Variants in PEBP4 observed in about 807,000 individuals in gnomAD.
PEBP4 encodes the protein phosphatidylethanolamine binding protein 4, also known as phosphatidylethanolamine-binding protein 4.
Under a neutral mutation model 23.9 loss-of-function variants are expected in PEBP4, and 22 were observed. The observed-to-expected ratio is 0.92, with a 90% confidence interval of 0.66 to 1.31. The LOEUF (loss-of-function observed/expected upper bound fraction) is 1.31. Among genes scored for constraint, PEBP4 ranks in the 40% most tolerant of loss-of-function variants. PEBP4 has a pLI of 0.00. For missense variants in PEBP4, 324 were observed against 281.7 expected (o/e 1.15, Z -1.07); for synonymous variants, 112 against 99.3 (o/e 1.13, Z -0.76).
intron 3 of PEBP4, among the ~76,000 whole-genome samples, chr8:22,891,493 T>C (rs1259779797): frequency 1.3e-5 from 2 of 152,138 alleles, no homozygotes; most frequent in African/African-American, 4.8e-5. Context: ...ACAAAGCTGT[T>C]TGGGGGAAGG....
chr8:22,925,018 G>A (rs1261565061), intron 2 of PEBP4: 8 of 985,236 alleles, frequency 8.1e-6, no homozygotes, highest in Non-Finnish European at 9.6e-6. Flanking sequence ...GGGATCTCTT[G>A]CCAAGGTCAG....
intron 6 of PEBP4, among the ~76,000 whole-genome samples, chr8:22,718,468 T>C (rs1290750764): frequency 6.6e-6 from 1 of 152,242 alleles, no homozygotes; most frequent in African/African-American, 2.4e-5. Flanking sequence ...GGATGGCTGA[T>C]GTTCGGCTGG....
intron 3 of PEBP4, chr8:22,887,089 AGTGTGTGTGTGTGT>A (rs60863527): frequency 3.8e-4 from 56 of 147,454 alleles, no homozygotes; most frequent in African/African-American, 1.3e-3. Context: ...GGACACTCCT[AGTGTGTGTGTGTGT>A]GTGTGTGTGT....
intron 3 of PEBP4, among the ~76,000 whole-genome samples, chr8:22,910,797 G>C (rs1585338961): frequency 6.6e-6 from 1 of 152,354 alleles, no homozygotes; most frequent in Admixed American, 6.5e-5. Context: ...GGTTGCCAGA[G>C]GTTAGAGGGA....
At chr8:22,825,886 C>A (rs961755784) in intron 3 of PEBP4, among the ~76,000 whole-genome samples, 1 of 152,212 alleles carries the variant, frequency 6.6e-6, no homozygotes, top group African/African-American at 2.4e-5. Context: ...TTGGTGACAA[C>A]GTGGATAAAC....
chr8:22,749,630 C>T (rs1256900218), intron 4 of PEBP4, among the ~76,000 whole-genome samples: 2 of 152,050 alleles, frequency 1.3e-5, no homozygotes, highest in African/African-American at 4.8e-5. Flanking sequence ...AGGTGGGTAG[C>T]TGCGGCCAGC....
At chr8:22,754,215 G>GGGTGCTCCCTCCT (rs1805328634) in intron 4 of PEBP4, among the ~76,000 whole-genome samples, 1 of 152,120 alleles carries the variant, frequency 6.6e-6, no homozygotes, top group Non-Finnish European at 1.5e-5. Flanking sequence ...CCCACCCACA[G>GGGTGCTCCCTCCT]GGTGCTCCCT....
intron 4 of PEBP4, among the ~76,000 whole-genome samples, chr8:22,810,800 C>T (rs1262664785): frequency 2.7e-5 from 4 of 147,358 alleles, no homozygotes; most frequent in South Asian, 2.2e-4. Flanking sequence ...GTTTCCATAA[C>T]GACTTTCTGA....
intron 3 of PEBP4, among the ~76,000 whole-genome samples, chr8:22,890,411 C>T (rs1265410475): frequency 1.3e-5 from 2 of 152,244 alleles, no homozygotes; most frequent in Non-Finnish European, 2.9e-5. Flanking sequence ...TGTCAATAAG[C>T]AACCTCAAGT....
chr8:22,809,068 G>T (rs1178864096), intron 4 of PEBP4, among the ~76,000 whole-genome samples: 1 of 152,130 alleles, frequency 6.6e-6, no homozygotes, highest in African/African-American at 2.4e-5. Context: ...TCGAAGGCTC[G>T]ACTTTCTAAG....
At chr8:22,903,220 A>G (rs532060071) in intron 3 of PEBP4, among the ~76,000 whole-genome samples, 1 of 152,370 alleles carries the variant, frequency 6.6e-6, no homozygotes, top group South Asian at 2.1e-4. Context: ...GTTGGGAAAC[A>G]GACAGCTGGC....
chr8:22,920,555 A>G (rs1177594226), intron 2 of PEBP4, among the ~76,000 whole-genome samples: 2 of 152,202 alleles, frequency 1.3e-5, no homozygotes, highest in African/African-American at 4.8e-5. Flanking sequence ...AGTGGCGGTC[A>G]ATGGTCAGAA....
At chr8:22,784,604 G>A (rs1481635235) in intron 4 of PEBP4, among the ~76,000 whole-genome samples, 1 of 152,180 alleles carries the variant, frequency 6.6e-6, no homozygotes, top group African/African-American at 2.4e-5. Context: ...TTTAGCGCAC[G>A]CCTTGTTAGG....
intron 4 of PEBP4, among the ~76,000 whole-genome samples, chr8:22,779,910 G>A (rs933905616): frequency 2.0e-5 from 3 of 152,060 alleles, no homozygotes; most frequent in Non-Finnish European, 4.4e-5. Flanking sequence ...GCCAGGGAAA[G>A]TTAAAAGCAG....
At position 22,927,605 on chromosome 8, in the gene PEBP4, T is replaced by A; in HGVS notation, c.110A>T (p.Asp37Val). The A allele has an allele frequency of 6.2e-7, 1 of 1,612,282 alleles. No individual in the cohort carries two copies. The highest frequency in any genetic ancestry group is 8.5e-7 in the Non-Finnish European group (1 of 1,179,178). The stretch of plus-strand genomic sequence containing the variant: ...TTACTGGCAAAAGAGGGTGTCCTCG[T>A]CCAAGAGGGCCTCATGGGCACACGG... ...NSPCAHEALL[D>V]EDTLFCQGLE... is the part of the protein sequence containing the mutation. Residue 37 changes from aspartate to valine, a missense_variant, in exon 2 of 7, where the codon GAC becomes GTC. Physicochemically the swap from Asp to Val is radical, Grantham distance 152 (BLOSUM62 -3). Coordinates refer to ENST00000256404, the MANE Select transcript of PEBP4 (RefSeq NM_144962.3).
At position 22,924,256 on chromosome 8, in the gene PEBP4, C is replaced by A. The variant is rs62493004; in HGVS notation, c.131+3328G>T. Among the ~76,000 whole-genome samples, 444 of 152,070 alleles carry A rather than the reference C, an allele frequency of 2.9e-3. 2 individuals carry two copies. Among genetic ancestry groups the A allele is most frequent in the Non-Finnish European group, 4.7e-3 (321 of 67,974 alleles). ...GCGTGCACCTGTAGTCCCAGCTACT[C>A]AGGACGTTGAGGCAGGAGGATTGCT... is the stretch of plus-strand genomic sequence containing the variant. On this transcript the variant is annotated intron_variant, in intron 2 of 6. Transcript: ENST00000256404.
chr8:22,838,710 G>T (rs1171351627), intron 3 of PEBP4, among the ~76,000 whole-genome samples: 1 of 152,266 alleles, frequency 6.6e-6, no homozygotes, highest in African/African-American at 2.4e-5. Flanking sequence ...CAGGCCTGGC[G>T]CTGAGCTGTG....
At chr8:22,817,532 A>C (rs1806768657) in intron 4 of PEBP4, 105 bp downstream of exon 4, 2 of 1,051,902 alleles carry the variant, frequency 1.9e-6, no homozygotes, top group Non-Finnish European at 2.9e-6. Flanking sequence ...GGGACACAGA[A>C]GTCCTCGCTC....
At chr8:22,730,896 T>G (rs71513901) in intron 4 of PEBP4, among the ~76,000 whole-genome samples, 24,896 of 152,168 alleles carry the variant, frequency 0.16, 2,155 homozygotes, top group Middle Eastern at 0.28. Context: ...GACTGACCGA[T>G]GAGGGAAGGT....
Sources: gnomAD v4.1 joint callset for allele counts (sites outside exome capture counted in the v4.1 genomes callset) on GRCh38, gnomAD v4.1.1 for gene constraint, MANE v1.5 for transcripts, NCBI Gene and HGNC (gene_info 2026-07-23, HGNC 2026-07-21) for gene names.